The following ZNF790 variants were observed in gnomAD, a reference collection of about 807,000 sequenced individuals.
ZNF790 encodes zinc finger protein 790.
ZNF790 carries 8 observed loss-of-function variants against 12.1 expected under a neutral mutation model. The observed-to-expected ratio is 0.66, with a 90% CI of 0.39 to 1.19. The LOEUF (loss-of-function observed/expected upper bound fraction) is 1.19. ZNF790 is among the 50% of genes most tolerant of loss of function. The pLI, the probability that ZNF790 is intolerant of heterozygous loss-of-function variation, is 0.01. For synonymous variants in ZNF790, 252 were observed against 244.3 expected, an observed-to-expected ratio of 1.03 and a Z score of -0.29; for missense variants, 707 against 752.2, an observed-to-expected ratio of 0.94 and a Z score of 0.70.
intron 1 of ZNF790, among the ~76,000 whole-genome samples, chr19:36,831,348 G>C (rs1459405995): frequency 7.1e-6 from 1 of 140,174 alleles, no homozygotes; most frequent in Non-Finnish European, 1.6e-5. Flanking sequence ...AGAGAAGAAA[G>C]TAATAGATAG....
intron 1 of ZNF790, among the ~76,000 whole-genome samples, chr19:36,833,577 G>A (rs750687895): frequency 7.2e-5 from 11 of 152,194 alleles, no homozygotes; most frequent in Admixed American, 3.9e-4. Flanking sequence ...GGTATAGGAA[G>A]CTTAAAAGTA....
intron 1 of ZNF790, 28 bp from the exon 2 acceptor site, chr19:36,825,720 C>T: frequency 2.3e-6 from 3 of 1,326,066 alleles, no homozygotes; most frequent in Non-Finnish European, 3.3e-6. Context: ...CAAGGTCAGG[C>T]CTTTCTCAGA....
At chr19:36,843,515 T>C (rs2072148579) in intron 1 of ZNF790, among the ~76,000 whole-genome samples, 1 of 152,166 alleles carries the variant, frequency 6.6e-6, no homozygotes, top group African/African-American at 2.4e-5. Context: ...ACAACCGTAA[T>C]GGAGCCCTGA....
At chr19:36,835,019 G>A (rs1303590556) in intron 1 of ZNF790, among the ~76,000 whole-genome samples, 1 of 152,232 alleles carries the variant, frequency 6.6e-6, no homozygotes, top group Middle Eastern at 3.2e-3. Context: ...TGTGCACGGT[G>A]GCTCACACCT....
At chr19:36,838,834 A>T (rs1600672169), upstream of ZNF790, among the ~76,000 whole-genome samples, 1 of 152,202 alleles carries the variant, frequency 6.6e-6, no homozygotes, top group African/African-American at 2.4e-5. This position sits in a 1 kb window ranked among gnomAD's most constrained non-coding sequence, Gnocchi z 4.4. Context: ...GCATGGCGGG[A>T]AAGTCCTACA....
At chr19:36,848,810 T>TC in intron 1 of ZNF790, among the ~76,000 whole-genome samples, 1 of 150,962 alleles carries the variant, frequency 6.6e-6, no homozygotes, top group East Asian at 1.9e-4. Flanking sequence ...TGGGGGTTTT[T>TC]TGAGACGGAG....
chr19:36,833,024 G>A (rs1484965447), intron 1 of ZNF790, among the ~76,000 whole-genome samples: 1 of 149,240 alleles, frequency 6.7e-6, no homozygotes, highest in East Asian at 1.9e-4. Context: ...AGGGCAAAAT[G>A]TCAATTAAAT....
At position 36,818,447 on chromosome 19, in the gene ZNF790, T is replaced by C. The variant is rs1435729177; in HGVS notation, c.1897A>G (p.Ile633Val). The change falls in exon 5 of 5, where the codon ATT (isoleucine) becomes GTT (valine). Residue 633 changes from isoleucine to valine, a missense_variant. Transcript: ENST00000356725. The stretch of plus-strand genomic sequence containing the variant: ...TATATAATATTTCACAAGAGTGAAA[T>C]GAAGTGAGAGCTTGAAGAAAATGCT... The part of the protein sequence containing the change: ...EKAFSSSSHF[I>V]SLL 1.3e-6 allele frequency: 2 copies of C among 1,548,942 alleles called. No individual in the cohort carries two copies. Among genetic ancestry groups the C allele is most frequent in the Non-Finnish European group, 1.7e-6 (2 of 1,145,402 alleles).
intron 1 of ZNF790, among the ~76,000 whole-genome samples, chr19:36,847,084 G>A (rs898489982): frequency 2.0e-5 from 3 of 152,098 alleles, no homozygotes; most frequent in Non-Finnish European, 4.4e-5. Context: ...AGCCAAGTGC[G>A]GTGGCTCACA....
chr19:36,841,239 T>C (rs2146090892), upstream of ZNF790, among the ~76,000 whole-genome samples: 1 of 152,218 alleles, frequency 6.6e-6, no homozygotes, highest in Middle Eastern at 3.4e-3. Flanking sequence ...AACAAAGAAT[T>C]ATCCAGTCCC....
chr19:36,848,763 T>C (rs1290012231), intron 1 of ZNF790, among the ~76,000 whole-genome samples: 4 of 149,888 alleles, frequency 2.7e-5, no homozygotes, highest in Non-Finnish European at 5.9e-5. Flanking sequence ...GGGGGGGTGG[T>C]GGCTCCAAAG....
At chr19:36,830,711 G>T (rs1482995612) in intron 1 of ZNF790, among the ~76,000 whole-genome samples, 2 of 152,126 alleles carry the variant, frequency 1.3e-5, no homozygotes, top group African/African-American at 4.8e-5. Flanking sequence ...AGAAACCCTT[G>T]AGCAAAAAAA....
In ZNF790 at chr19:36,825,663, T is replaced by G. The variant is rs2071781336; in HGVS notation, c.-44A>C. ...CACCAGTCCTTCTCTGGATTCTTTC[T>G]TGGTGAGGCAGCGTGCTGGGAAAGC... is the stretch of plus-strand genomic sequence containing the variant. On this transcript the variant is annotated 5_prime_UTR_variant, in exon 2 of 5. Coordinates refer to ENST00000356725, the MANE Select transcript of ZNF790 (RefSeq NM_206894.4). The G allele has an allele frequency of 6.2e-7, 1 of 1,612,136 alleles. No homozygotes were observed. The highest frequency in any genetic ancestry group is 1.7e-5 in the Admixed American group (1 of 60,004).
At chr19:36,827,869 C>G (rs577919501) in intron 1 of ZNF790, 1 of 152,252 alleles carries the variant, frequency 6.6e-6, no homozygotes, top group Non-Finnish European at 1.5e-5. Flanking sequence ...AAGCATTCTG[C>G]ATTTTTAAAG....
chr19:36,832,998 C>T (rs898928177), intron 1 of ZNF790, among the ~76,000 whole-genome samples: 1 of 142,820 alleles, frequency 7.0e-6, no homozygotes, highest in Non-Finnish European at 1.5e-5. Flanking sequence ...AAAATGAATA[C>T]AAATGTAAGT....
chr19:36,820,121 A>G lies in ZNF790; in HGVS notation c.230-7T>C. On this transcript the variant is annotated splice_polypyrimidine_tract_variant and splice_region_variant and intron_variant, in intron 4 of 4. Coordinates refer to ENST00000356725, the MANE Select transcript of ZNF790 (RefSeq NM_206894.4). ...TGACACCTCGACTGCATGTCTGAAAAATAAGAAGGTAAAAACATCATACGG... is the reference window on the plus strand; with the variant it reads ...TGACACCTCGACTGCATGTCTGAAAGATAAGAAGGTAAAAACATCATACGG... 1 of 1,595,500 alleles carries G rather than the reference A, an allele frequency of 6.3e-7. No homozygotes were observed. Among genetic ancestry groups the G allele is most frequent in the Non-Finnish European group, 8.5e-7 (1 of 1,176,262 alleles).
chr19:36,838,921 C>T (rs1349897700), upstream of ZNF790, among the ~76,000 whole-genome samples: 6 of 152,164 alleles, frequency 3.9e-5, no homozygotes, highest in Admixed American at 2.0e-4. This position sits in a 1 kb window ranked among gnomAD's most constrained non-coding sequence, Gnocchi z 4.4. Flanking sequence ...ACCTCTTGTC[C>T]CACAAGTACC....
chr19:36,832,481 G>A (rs934620945), intron 1 of ZNF790, among the ~76,000 whole-genome samples: 1 of 152,148 alleles, frequency 6.6e-6, no homozygotes, highest in African/African-American at 2.4e-5. Flanking sequence ...ACCAGTTGAC[G>A]TATCACAGGG....
intron 4 of ZNF790, among the ~76,000 whole-genome samples, chr19:36,820,760 G>C (rs2071649351): frequency 6.6e-6 from 1 of 152,038 alleles, no homozygotes; most frequent in Non-Finnish European, 1.5e-5. Flanking sequence ...GCCAGGAGTG[G>C]TGGTGCATGC....
Sources: allele counts gnomAD v4.1 joint callset (sites outside exome capture counted in the v4.1 genomes callset), GRCh38; gene constraint gnomAD v4.1.1; non-coding constraint Gnocchi (gnomAD v3.1); transcripts MANE v1.5; gene names NCBI Gene and HGNC (gene_info 2026-07-23, HGNC 2026-07-21).